MMP16: variants seen among roughly 807,000 people sequenced by gnomAD.
MMP16 encodes matrix metalloproteinase-16.
In MMP16, 12 loss-of-function variants were observed where a neutral mutation model predicts 67.8. The ratio of observed to expected loss-of-function variants is 0.18; its 90% confidence interval spans 0.11 to 0.29. MMP16 has a LOEUF of 0.29. Ranked by LOEUF, MMP16 falls within the 10% of genes least tolerant of loss-of-function variation. MMP16 has a pLI of 1.00. For missense variants in MMP16, 475 were observed against 765.7 expected, an observed-to-expected ratio of 0.62 and a Z score of 4.48; for synonymous variants, 249 against 255.9, an observed-to-expected ratio of 0.97 and a Z score of 0.26.
At chr8:88,200,189 G>A (rs980811784) in intron 1 of MMP16, among the ~76,000 whole-genome samples, 2 of 151,824 alleles carry the variant, frequency 1.3e-5, no homozygotes, top group African/African-American at 4.8e-5. Context: ...AACAACATGG[G>A]GTAAGGAATC....
In MMP16 at chr8:88,190,836, G is replaced by A. The variant is rs117120591; in HGVS notation, c.282-4238C>T. Among the ~76,000 whole-genome samples, 1,332 of 151,682 alleles carry A rather than the reference G, an allele frequency of 8.8e-3. 5 individuals are homozygous for A. Among genetic ancestry groups the A allele is most frequent in the Non-Finnish European group, 0.011 (771 of 67,910 alleles). ...TATTTTCAGGCAGTACTTTTTTTGC[G>A]ACAGTGTCATTGCTTAAACATAGTT... On this transcript the variant is annotated intron_variant, in intron 2 of 9. Transcript: ENST00000286614.
chr8:88,071,594 T>C (rs374288529), intron 7 of MMP16, among the ~76,000 whole-genome samples: 12 of 152,242 alleles, frequency 7.9e-5, no homozygotes, highest in African/African-American at 2.9e-4. Flanking sequence ...GAATAACATC[T>C]AAATCACTAG....
chr8:88,075,450 T>C (rs555545424), intron 6 of MMP16, among the ~76,000 whole-genome samples: 117 of 152,178 alleles, frequency 7.7e-4, no homozygotes, highest in Middle Eastern at 3.4e-3. Flanking sequence ...GCTTGACCCA[T>C]AGCAGGTTTC....
chr8:88,206,441 A>G (rs568640348), intron 1 of MMP16, among the ~76,000 whole-genome samples: 1 of 152,218 alleles, frequency 6.6e-6, no homozygotes, highest in South Asian at 2.1e-4. Context: ...GTCCTCCTAC[A>G]TCCCAGAGAT....
intron 1 of MMP16, among the ~76,000 whole-genome samples, chr8:88,269,740 C>T (rs535716507): frequency 2.0e-5 from 3 of 152,238 alleles, no homozygotes; most frequent in Admixed American, 1.3e-4. Flanking sequence ...ATGTCATCCA[C>T]CCTACAGGCC....
chr8:88,229,541 C>T (rs768799125), intron 1 of MMP16, among the ~76,000 whole-genome samples: 12 of 151,804 alleles, frequency 7.9e-5, no homozygotes, highest in South Asian at 2.1e-4. Context: ...AGAAATAGTT[C>T]GTTTTGTTTA....
At chr8:88,237,573 C>T (rs1291384113) in intron 1 of MMP16, among the ~76,000 whole-genome samples, 1 of 151,482 alleles carries the variant, frequency 6.6e-6, no homozygotes, top group Non-Finnish European at 1.5e-5. Flanking sequence ...GGCGGGAACC[C>T]GGGAGGCGGA....
intron 1 of MMP16, among the ~76,000 whole-genome samples, chr8:88,267,850 G>A (rs1176120368): frequency 6.6e-6 from 1 of 152,060 alleles, no homozygotes; most frequent in Admixed American, 6.6e-5. Flanking sequence ...CCTGTAACTG[G>A]TCCCAAAATT....
chr8:88,158,631 T>C (rs1182420536), intron 4 of MMP16, among the ~76,000 whole-genome samples: 4 of 152,240 alleles, frequency 2.6e-5, no homozygotes, highest in African/African-American at 9.6e-5. Flanking sequence ...TTCACTCTGA[T>C]GGTAGTTTCT....
chr8:88,212,059 G>A (rs1809520885), intron 1 of MMP16, among the ~76,000 whole-genome samples: 1 of 152,084 alleles, frequency 6.6e-6, no homozygotes, highest in South Asian at 2.1e-4. Flanking sequence ...ATATACCAAA[G>A]GGCCTTGACC....
chr8:88,270,646 G>A (rs1314208450), intron 1 of MMP16, among the ~76,000 whole-genome samples: 2 of 152,174 alleles, frequency 1.3e-5, no homozygotes, highest in Non-Finnish European at 2.9e-5. Context: ...CCTGGCCTGA[G>A]CCTATATAAA....
At chr8:88,256,682 TCTCA>T (rs1447141543) in intron 1 of MMP16, among the ~76,000 whole-genome samples, 1 of 148,582 alleles carries the variant, frequency 6.7e-6, no homozygotes, top group Admixed American at 6.8e-5. Flanking sequence ...TCTCTCTCTC[TCTCA>T]CACACACACA....
chr8:88,326,869 G>A (rs1391448020), intron 1 of MMP16: 1 of 537,480 alleles, frequency 1.9e-6, no homozygotes, highest in Non-Finnish European at 3.3e-6. Flanking sequence ...ATCGTGCTTT[G>A]TGCTGCCGGG....
chr8:88,046,077 C>A (rs1320752477), intron 9 of MMP16, among the ~76,000 whole-genome samples: 1 of 152,048 alleles, frequency 6.6e-6, no homozygotes, highest in Non-Finnish European at 1.5e-5. Flanking sequence ...TATGGATTAT[C>A]CCCAGCTTGG....
chr8:88,205,587 AGAG>A (rs1208340870), intron 1 of MMP16, among the ~76,000 whole-genome samples: 1 of 152,176 alleles, frequency 6.6e-6, no homozygotes, highest in Non-Finnish European at 1.5e-5. Context: ...TTTCTATGCT[AGAG>A]TATTTCACTT....
chr8:88,269,895 C>T (rs1810538520), intron 1 of MMP16, among the ~76,000 whole-genome samples: 1 of 152,198 alleles, frequency 6.6e-6, no homozygotes, highest in Admixed American at 6.5e-5. Flanking sequence ...CTTTTAAATG[C>T]ATAACTGTTT....
intron 4 of MMP16, among the ~76,000 whole-genome samples, chr8:88,149,141 C>A (rs1808349607): frequency 1.3e-5 from 2 of 152,332 alleles, no homozygotes; most frequent in South Asian, 2.1e-4. Flanking sequence ...CCGAATATTG[C>A]GCTTTTCAGA....
At chr8:88,187,342 A>T (rs1483916529) in intron 2 of MMP16, among the ~76,000 whole-genome samples, 1 of 152,182 alleles carries the variant, frequency 6.6e-6, no homozygotes, top group African/African-American at 2.4e-5. Context: ...TTTCTCTTCT[A>T]GAGAGTCTCA....
At chr8:88,290,567 G>T (rs1050584140) in intron 1 of MMP16, among the ~76,000 whole-genome samples, 1 of 151,604 alleles carries the variant, frequency 6.6e-6, no homozygotes, top group African/African-American at 2.4e-5. Flanking sequence ...AAAAAAAATT[G>T]ACCTAATTAT....
Sources: allele counts gnomAD v4.1 joint callset (sites outside exome capture counted in the v4.1 genomes callset), GRCh38; gene constraint gnomAD v4.1.1; transcripts MANE v1.5; gene names NCBI Gene and HGNC (gene_info 2026-07-23, HGNC 2026-07-21).